The following TMEM207 variants were observed in gnomAD, a reference collection of about 807,000 sequenced individuals.
TMEM207 encodes the protein transmembrane protein 207.
Under a neutral mutation model 17.4 loss-of-function variants are expected in TMEM207, and 15 were observed. The ratio of observed to expected loss-of-function variants is 0.86; its 90% CI spans 0.58 to 1.33. The LOEUF is 1.33. Among genes scored for constraint, TMEM207 ranks in the 40% most tolerant of loss-of-function variants. The pLI is 0.00. For synonymous variants in TMEM207, 70 were observed against 65.6 expected, an observed-to-expected ratio of 1.07 and a Z score of -0.33; for missense variants, 205 against 173.8, an observed-to-expected ratio of 1.18 and a Z score of -1.01.
At chr3:190,440,140 T>C (rs1254863159) in intron 4 of TMEM207, 104 bp downstream of exon 4, 2 of 1,407,174 alleles carry the variant, frequency 1.4e-6, no homozygotes, top group African/African-American at 2.9e-5. Context: ...ATAAGCCACA[T>C]CTTTTTCTAA....
intron 2 of TMEM207, among the ~76,000 whole-genome samples, chr3:190,446,670 A>C (rs2108539571): frequency 6.6e-6 from 1 of 152,362 alleles, no homozygotes; most frequent in East Asian, 1.9e-4. Flanking sequence ...TTCACCTAAA[A>C]GGGAGAGCGG....
At chr3:190,440,422 G>A in intron 3 of TMEM207, 33 bp from the exon 4 acceptor site, 1 of 1,591,588 alleles carries the variant, frequency 6.3e-7, no homozygotes, top group Non-Finnish European at 8.5e-7. Context: ...AAAGAATGAG[G>A]TAGAGTATGC....
chr3:190,432,322 T>G (rs1272191870), intron 4 of TMEM207, among the ~76,000 whole-genome samples: 2 of 152,182 alleles, frequency 1.3e-5, no homozygotes. Flanking sequence ...GGACTGAATT[T>G]GAGTCACAGT....
chr3:190,439,010 T>C (rs1021533350), intron 4 of TMEM207, among the ~76,000 whole-genome samples: 39 of 145,852 alleles, frequency 2.7e-4, no homozygotes, highest in Non-Finnish European at 5.6e-4. Context: ...ACCCCGTCTC[T>C]ACTAAAAATA....
rs535069461 is a variant in TMEM207 at position 190,430,642 on chromosome 3, C to T, written c.305-911G>A. 1.2e-4 allele frequency among the ~76,000 whole-genome samples: 19 copies of T among 152,044 alleles called. No homozygotes were observed. The South Asian group carries it at 3.5e-3, about 28-fold the overall frequency. On this transcript the variant is annotated intron_variant, in intron 4 of 4. Coordinates refer to ENST00000354905, the MANE Select transcript of TMEM207 (RefSeq NM_207316.3). Reference sequence around the variant, plus strand: ...ACAATAGCAACCATCAAAAATTCATCTTTAAAAAGAAACTAGTCCCGTGAA... The same window carrying T: ...ACAATAGCAACCATCAAAAATTCATTTTTAAAAAGAAACTAGTCCCGTGAA...
intron 4 of TMEM207, among the ~76,000 whole-genome samples, chr3:190,436,206 T>C (rs996850273): frequency 3.9e-5 from 6 of 152,196 alleles, no homozygotes; most frequent in Non-Finnish European, 7.3e-5. Context: ...ATTTAAAAAA[T>C]TAAGTTTTGG....
intron 4 of TMEM207, among the ~76,000 whole-genome samples, chr3:190,435,786 T>G (rs1012040376): frequency 2.0e-5 from 3 of 152,192 alleles, no homozygotes; most frequent in Non-Finnish European, 4.4e-5. Context: ...CTGTGGTCTG[T>G]GGTGTTTGGG....
At chr3:190,442,468 C>T (rs1480048788) in intron 2 of TMEM207, among the ~76,000 whole-genome samples, 2 of 152,194 alleles carry the variant, frequency 1.3e-5, no homozygotes, top group Admixed American at 6.5e-5. Context: ...TCATACCAGT[C>T]AGAAATGACT....
intron 2 of TMEM207, chr3:190,444,534 G>T: frequency 2.4e-6 from 2 of 836,678 alleles, no homozygotes; most frequent in Non-Finnish European, 2.9e-6. Context: ...ATGAGAGCCT[G>T]GTGAGGATCA....
intron 2 of TMEM207, among the ~76,000 whole-genome samples, chr3:190,446,930 C>A (rs112820490): frequency 0.019 from 2,847 of 152,240 alleles, 43 homozygotes; most frequent in Middle Eastern, 0.031. Flanking sequence ...AGTGAAAAAG[C>A]AGTTCCAAAA....
chr3:190,438,659 G>C (rs1719857130), intron 4 of TMEM207, among the ~76,000 whole-genome samples: 2 of 152,072 alleles, frequency 1.3e-5, no homozygotes, highest in South Asian at 4.1e-4. Context: ...AAAATACTAG[G>C]CTGCATTTTT....
chr3:190,444,933 T>A (rs936629644), intron 2 of TMEM207, among the ~76,000 whole-genome samples: 1 of 152,232 alleles, frequency 6.6e-6, no homozygotes, highest in African/African-American at 2.4e-5. Flanking sequence ...GAGGGATGGA[T>A]GAGTCACAAA....
intron 4 of TMEM207, among the ~76,000 whole-genome samples, chr3:190,437,032 A>G (rs995174054): frequency 3.3e-5 from 5 of 152,188 alleles, no homozygotes; most frequent in Non-Finnish European, 2.9e-5. Context: ...AAAAAAAGAT[A>G]AATAGGACAG....
At chr3:190,443,569 C>A (rs554708895) in intron 2 of TMEM207, among the ~76,000 whole-genome samples, 21 of 152,158 alleles carry the variant, frequency 1.4e-4, no homozygotes, top group Non-Finnish European at 2.1e-4. Flanking sequence ...ACCACTGAGA[C>A]TTAAGGTGGA....
At chr3:190,447,501 A>C (rs1485731347) in intron 2 of TMEM207, among the ~76,000 whole-genome samples, 1 of 152,150 alleles carries the variant, frequency 6.6e-6, no homozygotes, top group Non-Finnish European at 1.5e-5. Flanking sequence ...TCTTTTATGA[A>C]CTTAAAGTAC....
intron 2 of TMEM207, among the ~76,000 whole-genome samples, chr3:190,442,978 A>C (rs1719965749): frequency 6.6e-6 from 1 of 152,130 alleles, no homozygotes; most frequent in Non-Finnish European, 1.5e-5. Flanking sequence ...CATTATGAAA[A>C]ACTCTATCCC....
At position 190,440,788 on chromosome 3, in the gene TMEM207, G is replaced by A. The variant is rs544134060; in HGVS notation, c.159-399C>T. 9.2e-5 allele frequency among the ~76,000 whole-genome samples: 14 copies of A among 152,344 alleles called. No individual in the cohort carries two copies. The South Asian group carries it at 2.7e-3, about 29-fold the overall frequency. On this transcript the variant is annotated intron_variant, in intron 3 of 4. Coordinates refer to ENST00000354905, the MANE Select transcript of TMEM207 (RefSeq NM_207316.3). Reference sequence around the variant, plus strand: ...TAGGAATTCAAAAGTAGGCAGAGGGGCCGGGCGCGGTGGCTCAAGCCTGTA... The same window carrying A: ...TAGGAATTCAAAAGTAGGCAGAGGGACCGGGCGCGGTGGCTCAAGCCTGTA...
At chr3:190,437,796 C>T (rs1255692077) in intron 4 of TMEM207, among the ~76,000 whole-genome samples, 1 of 151,722 alleles carries the variant, frequency 6.6e-6, no homozygotes. Context: ...GACACATGCA[C>T]ACGTATGTTT....
Position 190,429,237 on chromosome 3 carries a change from A to T in TMEM207, c.*358T>A. The T allele has an allele frequency of 6.1e-6, 1 of 162,780 alleles. No homozygotes were observed. The highest frequency in any genetic ancestry group is 1.3e-5 in the Non-Finnish European group (1 of 75,024). 10.1% of individuals were successfully genotyped at this position (162,780 alleles called of 1,614,324 possible). On this transcript the variant is annotated 3_prime_UTR_variant, in exon 5 of 5. Transcript: ENST00000354905. The stretch of plus-strand genomic sequence containing the variant: ...AATTTTTATGGACCCCATGCTAGGA[A>T]AGAGTTTAAAGCAGAAAATGGTGTG...
Sources: allele counts gnomAD v4.1 joint callset (sites outside exome capture counted in the v4.1 genomes callset), GRCh38; gene constraint gnomAD v4.1.1; transcripts MANE v1.5; gene names NCBI Gene and HGNC (gene_info 2026-07-23, HGNC 2026-07-21).